Variants in ADGRB3 observed in about 807,000 individuals in gnomAD.
The protein encoded by ADGRB3 is brain-specific angiogenesis inhibitor 3.
In ADGRB3, 37 loss-of-function variants were observed where a neutral mutation model predicts 193.4. The ratio of observed to expected loss-of-function variants is 0.19; its 90% CI spans 0.15 to 0.25. The LOEUF is 0.25. Among genes scored for constraint, ADGRB3 ranks in the 10% least tolerant of loss-of-function variants. ADGRB3 has a pLI of 1.00. For missense variants in ADGRB3, 1,637 were observed against 1,852.9 expected (o/e 0.88, Z 2.14); for synonymous variants, 690 against 644.2 (o/e 1.07, Z -1.08).
chr6:69,326,251 A>T (rs950106309), intron 21 of ADGRB3, among the ~76,000 whole-genome samples: 1 of 152,180 alleles, frequency 6.6e-6, no homozygotes, highest in Non-Finnish European at 1.5e-5. Flanking sequence ...TCACACCAAC[A>T]CAAAAGTTGA....
chr6:68,894,867 A>AT (rs561882795), intron 3 of ADGRB3, among the ~76,000 whole-genome samples: 4 of 151,814 alleles, frequency 2.6e-5, no homozygotes, highest in South Asian at 2.1e-4. Context: ...TGAATGAGCT[A>AT]TTTTTTTAAA....
intron 3 of ADGRB3, among the ~76,000 whole-genome samples, chr6:68,866,162 C>T (rs1765293453): frequency 6.6e-6 from 1 of 152,098 alleles, no homozygotes; most frequent in Middle Eastern, 3.2e-3. Context: ...GTGTCCCCAC[C>T]CAAATCTCAT....
chr6:69,309,478 G>T (rs1402381021), intron 20 of ADGRB3, among the ~76,000 whole-genome samples: 1 of 151,660 alleles, frequency 6.6e-6, no homozygotes, highest in Admixed American at 6.6e-5. Flanking sequence ...GCATTGAGAG[G>T]CTGTAATTGA....
At chr6:69,232,611 T>A in intron 17 of ADGRB3, 1 of 1,535,590 alleles carries the variant, frequency 6.5e-7, no homozygotes, top group Non-Finnish European at 8.7e-7. Flanking sequence ...CTGAGTGAAG[T>A]GTGGAGTAGG....
chr6:68,799,135 A>G (rs1338091234), intron 3 of ADGRB3, among the ~76,000 whole-genome samples: 1 of 152,188 alleles, frequency 6.6e-6, no homozygotes, highest in Non-Finnish European at 1.5e-5. Flanking sequence ...ACATTTAGAT[A>G]AGGAAGACAA....
At chr6:69,262,525 C>T (rs1243087949) in intron 20 of ADGRB3, among the ~76,000 whole-genome samples, 1 of 151,826 alleles carries the variant, frequency 6.6e-6, no homozygotes, top group Non-Finnish European at 1.5e-5. Flanking sequence ...TTTCAAAAAC[C>T]TATCATTTAT....
chr6:69,368,560 A>G (rs1156939857), intron 29 of ADGRB3, among the ~76,000 whole-genome samples: 1 of 152,124 alleles, frequency 6.6e-6, no homozygotes, highest in Non-Finnish European at 1.5e-5. Flanking sequence ...AAAAGATGGT[A>G]TTCAAAATCA....
chr6:69,037,964 T>C (rs1770922927), intron 13 of ADGRB3, among the ~76,000 whole-genome samples: 1 of 152,166 alleles, frequency 6.6e-6, no homozygotes, highest in Non-Finnish European at 1.5e-5. Context: ...TCTCCCCAAA[T>C]ACTATGCCAG....
intron 17 of ADGRB3, among the ~76,000 whole-genome samples, chr6:69,132,439 G>A (rs1223436338): frequency 6.6e-6 from 1 of 152,074 alleles, no homozygotes; most frequent in Non-Finnish European, 1.5e-5. Context: ...AGAAGTATCT[G>A]TTCATATTTT....
intron 3 of ADGRB3, among the ~76,000 whole-genome samples, chr6:68,858,748 T>C (rs774150054): frequency 6.6e-6 from 1 of 152,138 alleles, no homozygotes; most frequent in African/African-American, 2.4e-5. Flanking sequence ...GAGCTCTACA[T>C]TGACCCCTTT....
rs116512221 is a variant in ADGRB3 at position 68,967,871 on chromosome 6, A to G, written c.1526-6892A>G. ...AGAAAAGATTGAAGGCGGGAAAGAC[A>G]TGAGTCATGCAGACATGTTTGAGGG... On this transcript the variant is annotated intron_variant, in intron 8 of 31. Transcript: ENST00000370598. Among the ~76,000 whole-genome samples, 490 of 152,150 alleles carry G rather than the reference A, an allele frequency of 3.2e-3. 4 individuals are homozygous for G. Among genetic ancestry groups the G allele is most frequent in the African/African-American group, 0.011 (472 of 41,510 alleles).
intron 3 of ADGRB3, among the ~76,000 whole-genome samples, chr6:68,871,412 C>T (rs545361272): frequency 2.0e-5 from 3 of 152,114 alleles, no homozygotes; most frequent in East Asian, 1.9e-4. Context: ...TTAATGGTCT[C>T]GTTTAGAATT....
intron 3 of ADGRB3, among the ~76,000 whole-genome samples, chr6:68,832,294 A>T (rs1205787381): frequency 6.6e-6 from 1 of 152,174 alleles, no homozygotes; most frequent in African/African-American, 2.4e-5. Context: ...TGAGAAAGGT[A>T]TAATGTTGAT....
intron 11 of ADGRB3, among the ~76,000 whole-genome samples, chr6:68,997,882 T>C (rs1179157294): frequency 6.6e-6 from 1 of 152,152 alleles, no homozygotes; most frequent in Non-Finnish European, 1.5e-5. Context: ...TTTGTTCTTG[T>C]ATTTGTATAT....
At chr6:68,796,571 C>T (rs1767212218) in intron 3 of ADGRB3, among the ~76,000 whole-genome samples, 1 of 152,134 alleles carries the variant, frequency 6.6e-6, no homozygotes, top group Non-Finnish European at 1.5e-5. Context: ...GAATACAGAT[C>T]TTCTAGGAAT....
At position 68,980,355 on chromosome 6, in the gene ADGRB3, CAG is replaced by C. The variant is rs1372113064; in HGVS notation, c.1734+5021_1734+5022del. On this transcript the variant is annotated intron_variant, in intron 10 of 31. Coordinates refer to ENST00000370598, the MANE Select transcript of ADGRB3 (RefSeq NM_001704.3). ...TAGAACAGATAGCTGGAGCTACAGA[CAG>C]AGAGACCAAGAGAGACAAAGAAACT... 6.6e-5 allele frequency among the ~76,000 whole-genome samples: 10 copies of C among 151,402 alleles called. 2 individuals carry two copies. Among genetic ancestry groups the C allele is most frequent in the Non-Finnish European group, 1.2e-4 (8 of 67,642 alleles).
intron 17 of ADGRB3, among the ~76,000 whole-genome samples, chr6:69,188,583 A>T (rs185613339): frequency 5.8e-4 from 88 of 152,304 alleles, no homozygotes; most frequent in African/African-American, 2.0e-3. Flanking sequence ...TGCTGGTATT[A>T]AAGGCGTGAG....
At chr6:69,186,932 T>A (rs547355583) in intron 17 of ADGRB3, among the ~76,000 whole-genome samples, 2,909 of 143,024 alleles carry the variant, frequency 0.02, 37 homozygotes, top group Non-Finnish European at 0.029. Flanking sequence ...CAAGGTTTTT[T>A]TTTTGTTTTT....
chr6:69,154,091 A>G (rs1165121542), intron 17 of ADGRB3, among the ~76,000 whole-genome samples: 1 of 152,172 alleles, frequency 6.6e-6, no homozygotes, highest in African/African-American at 2.4e-5. Flanking sequence ...TCTTGAAACC[A>G]CACTTCAAAA....
Sources: gnomAD v4.1 joint callset for allele counts (sites outside exome capture counted in the v4.1 genomes callset) on GRCh38, gnomAD v4.1.1 for gene constraint, MANE v1.5 for transcripts, NCBI Gene and HGNC (gene_info 2026-07-23, HGNC 2026-07-21) for gene names.